The following PRKN variants were observed in gnomAD, a reference collection of about 807,000 sequenced individuals.
PRKN encodes the protein parkin RBR E3 ubiquitin protein ligase.
Under a neutral mutation model 59.5 loss-of-function variants are expected in PRKN, and 56 were observed. That is an observed-to-expected ratio of 0.94 (90% CI 0.76 to 1.18). The LOEUF is 1.18. PRKN is among the 50% of genes most tolerant of loss of function. The pLI, the probability that PRKN is intolerant of heterozygous loss-of-function variation, is 0.00. For synonymous variants in PRKN, 250 were observed against 222.1 expected (o/e 1.13, Z -1.12); for missense variants, 657 against 596.4 (o/e 1.10, Z -1.06).
intron 1 of PRKN, among the ~76,000 whole-genome samples, chr6:162,533,162 C>T (rs922178338): frequency 3.3e-5 from 5 of 152,204 alleles, no homozygotes; most frequent in Admixed American, 2.6e-4. Flanking sequence ...GACAGTCTCT[C>T]AAGACTGAGC....
At chr6:161,744,547 C>G (rs1788333956) in intron 7 of PRKN, among the ~76,000 whole-genome samples, 1 of 152,096 alleles carries the variant, frequency 6.6e-6, no homozygotes, top group Non-Finnish European at 1.5e-5. Flanking sequence ...GCCCTAGAGA[C>G]TATATTAATG....
intron 5 of PRKN, among the ~76,000 whole-genome samples, chr6:162,004,123 T>G (rs1025691740): frequency 6.6e-6 from 1 of 152,168 alleles, no homozygotes; most frequent in Non-Finnish European, 1.5e-5. Flanking sequence ...TGGGGCCTGG[T>G]GGGAGGTCAC....
At chr6:162,555,964 A>G (rs1288559355) in intron 1 of PRKN, among the ~76,000 whole-genome samples, 1 of 134,448 alleles carries the variant, frequency 7.4e-6, no homozygotes, top group African/African-American at 2.6e-5. Flanking sequence ...CTGGGCAACA[A>G]GAGCGAAACT....
chr6:162,171,209 G>GA (rs1481689278), intron 4 of PRKN, among the ~76,000 whole-genome samples: 1 of 151,896 alleles, frequency 6.6e-6, no homozygotes, highest in African/African-American at 2.4e-5. Flanking sequence ...GGTGCACACA[G>GA]AAAAAAACGT....
chr6:162,030,806 A>G (rs1030259582), intron 5 of PRKN, among the ~76,000 whole-genome samples: 2 of 152,180 alleles, frequency 1.3e-5, no homozygotes, highest in Non-Finnish European at 2.9e-5. Context: ...TGTACAGGTG[A>G]TGGACACCCT....
intron 1 of PRKN, among the ~76,000 whole-genome samples, chr6:162,488,033 T>TTG (rs575642640): frequency 0.2 from 27,123 of 133,134 alleles, 2,813 homozygotes; most frequent in East Asian, 0.33. Flanking sequence ...TTCCCTTTTT[T>TTG]TTTTTTTTTT....
chr6:161,831,660 G>A (rs984619389), intron 6 of PRKN, among the ~76,000 whole-genome samples: 16 of 152,208 alleles, frequency 1.1e-4, no homozygotes, highest in African/African-American at 3.6e-4. Flanking sequence ...TTACTGTCCA[G>A]TCTCATGAGT....
At chr6:161,517,044 T>C (rs1205845178) in intron 9 of PRKN, among the ~76,000 whole-genome samples, 1 of 152,148 alleles carries the variant, frequency 6.6e-6, no homozygotes, top group Non-Finnish European at 1.5e-5. Flanking sequence ...TTTATAGTAA[T>C]AGTGTTGATT....
chr6:162,411,802 C>T (rs1788367316), intron 2 of PRKN, among the ~76,000 whole-genome samples: 1 of 152,040 alleles, frequency 6.6e-6, no homozygotes, highest in Non-Finnish European at 1.5e-5. Context: ...CGTCTTTTTC[C>T]TCTAACCTCC....
intron 1 of PRKN, among the ~76,000 whole-genome samples, chr6:162,450,484 A>C (rs1244682487): frequency 6.6e-6 from 1 of 152,120 alleles, no homozygotes; most frequent in Non-Finnish European, 1.5e-5. Context: ...CTCACAGTGG[A>C]GAAACCTGAC....
At chr6:162,602,771 CT>C (rs1481962255) in intron 1 of PRKN, among the ~76,000 whole-genome samples, 2 of 152,174 alleles carry the variant, frequency 1.3e-5, no homozygotes, top group Admixed American at 6.5e-5. Flanking sequence ...CAGGTAAGCT[CT>C]TTTCAAAATT....
At chr6:161,899,083 G>A (rs548949364) in intron 6 of PRKN, among the ~76,000 whole-genome samples, 68 of 152,322 alleles carry the variant, frequency 4.5e-4, no homozygotes, top group East Asian at 2.7e-3. Flanking sequence ...TTCAAGGACC[G>A]GCCAGAGTCA....
intron 5 of PRKN, among the ~76,000 whole-genome samples, chr6:161,978,552 C>A (rs1158666924): frequency 1.3e-5 from 2 of 152,202 alleles, no homozygotes; most frequent in Non-Finnish European, 2.9e-5. Flanking sequence ...TGGCATGATT[C>A]TTTGGGATTA....
intron 1 of PRKN, among the ~76,000 whole-genome samples, chr6:162,456,513 T>C (rs1160594763): frequency 1.6e-5 from 2 of 127,222 alleles, no homozygotes; most frequent in Non-Finnish European, 3.6e-5. Context: ...TTCTTATACA[T>C]GTTTTTGTTG....
chr6:161,393,324 G>T lies in PRKN; in HGVS notation c.1084-6447C>A, dbSNP rs188646324. Among the ~76,000 whole-genome samples the T allele has an allele frequency of 6.6e-6, 1 of 152,112 alleles. No individual in the cohort carries two copies. Reference sequence around the variant, plus strand: ...TAATAATGACTGTTATGTGAATCTCGGGTAAAACTGACACCTCCCCAGAAA... The same window carrying T: ...TAATAATGACTGTTATGTGAATCTCTGGTAAAACTGACACCTCCCCAGAAA... On this transcript the variant is annotated intron_variant, in intron 9 of 11. Coordinates refer to ENST00000366898, the MANE Select transcript of PRKN (RefSeq NM_004562.3). The surrounding 1 kb of genome is among the most constrained non-coding windows in gnomAD (Gnocchi z 4.7).
intron 3 of PRKN, among the ~76,000 whole-genome samples, chr6:162,252,892 A>G (rs1583271025): frequency 6.6e-6 from 1 of 152,254 alleles, no homozygotes; most frequent in African/African-American, 2.4e-5. Flanking sequence ...GTGAATAAAC[A>G]AATGTTGTTT....
chr6:161,567,044 T>TGTGTGA (rs2115473976), intron 8 of PRKN, among the ~76,000 whole-genome samples: 1 of 124,864 alleles, frequency 8.0e-6, no homozygotes, highest in South Asian at 2.5e-4. Flanking sequence ...TTTTTGTGTG[T>TGTGTGA]GTGTGTGTGT....
At chr6:162,023,343 G>C (rs1582911704) in intron 5 of PRKN, among the ~76,000 whole-genome samples, 2 of 152,188 alleles carry the variant, frequency 1.3e-5, no homozygotes, top group East Asian at 1.9e-4. Flanking sequence ...TGGTGTACCA[G>C]AAGAATCAGA....
At chr6:161,799,395 C>T (rs903266170) in intron 6 of PRKN, among the ~76,000 whole-genome samples, 1 of 152,212 alleles carries the variant, frequency 6.6e-6, no homozygotes, top group Non-Finnish European at 1.5e-5. Context: ...CAGTAGATGA[C>T]TGGTTTTGAG....
Sources: gnomAD v4.1 joint callset for allele counts (sites outside exome capture counted in the v4.1 genomes callset) on GRCh38, gnomAD v4.1.1 for gene constraint, Gnocchi (gnomAD v3.1) non-coding constraint, MANE v1.5 for transcripts, NCBI Gene and HGNC (gene_info 2026-07-23, HGNC 2026-07-21) for gene names.